The following FBXL13 variants were observed in gnomAD, a reference collection of about 807,000 sequenced individuals.
The protein encoded by FBXL13 is F-box and leucine rich repeat protein 13, also known as F-box and leucine-rich repeat protein 13.
FBXL13 carries 67 observed loss-of-function variants against 83.6 expected under a neutral mutation model. The observed-to-expected ratio is 0.80, with a 90% CI of 0.66 to 0.98. FBXL13 has a LOEUF of 0.98. FBXL13 is among the 50% of genes least tolerant of loss of function. FBXL13 has a pLI of 0.00. For missense variants in FBXL13, 822 were observed against 866.5 expected (o/e 0.95, Z 0.64); for synonymous variants, 272 against 299.5 (o/e 0.91, Z 0.95).
rs1361795938 is a variant in FBXL13 at position 102,973,414 on chromosome 7, A to T, written c.496-5297T>A. 7 of 701,518 alleles carry T rather than the reference A, an allele frequency of 1.0e-5. No individual in the cohort carries two copies. The East Asian group carries it at 1.9e-4, about 19-fold the overall frequency. 43.5% of individuals were successfully genotyped at this position (701,518 alleles called of 1,614,324 possible). A position where few individuals can be genotyped will look rare whatever the true frequency, so the allele number is the denominator to read the frequency against. On this transcript the variant is annotated intron_variant, in intron 6 of 19. Transcript: ENST00000313221. ...TCGAGAAACAGGCCATCTGGGTACC[A>T]CATAGCAGTTACATCAGACTGGGAC...
chr7:103,013,234 G>C (rs1431669445), intron 6 of FBXL13, among the ~76,000 whole-genome samples: 3 of 152,156 alleles, frequency 2.0e-5, no homozygotes, highest in Non-Finnish European at 2.9e-5. Flanking sequence ...CATCGAGGCA[G>C]AAAACTAACG....
At chr7:102,878,521 G>C in intron 14 of FBXL13, 71 bp from the exon 16 acceptor site, 1 of 1,017,388 alleles carries the variant, frequency 9.8e-7, no homozygotes, top group South Asian at 2.4e-5. Context: ...TAAAGTAATA[G>C]CTACCATACC....
intron 6 of FBXL13, among the ~76,000 whole-genome samples, chr7:102,970,934 TAA>T (rs1826568477): frequency 6.6e-6 from 1 of 152,126 alleles, no homozygotes; most frequent in Non-Finnish European, 1.5e-5. Context: ...TAAAGGATGC[TAA>T]GAGACACATT....
At chr7:102,889,113 A>C (rs1811181837) in intron 11 of FBXL13, among the ~76,000 whole-genome samples, 1 of 152,220 alleles carries the variant, frequency 6.6e-6, no homozygotes, top group African/African-American at 2.4e-5. Flanking sequence ...AAGAATCAAG[A>C]AGCAGGAGTA....
chr7:102,919,888 G>A (rs1345679915), intron 10 of FBXL13, among the ~76,000 whole-genome samples: 1 of 152,020 alleles, frequency 6.6e-6, no homozygotes, highest in Non-Finnish European at 1.5e-5. Context: ...AGTAAGCTGT[G>A]AGAAAAAAAG....
intron 10 of FBXL13, among the ~76,000 whole-genome samples, chr7:102,923,734 G>C (rs930069139): frequency 6.6e-6 from 1 of 152,062 alleles, no homozygotes; most frequent in Non-Finnish European, 1.5e-5. Context: ...TGAGGCAGGA[G>C]AATTGCTTTG....
intron 6 of FBXL13, among the ~76,000 whole-genome samples, chr7:103,022,040 T>C (rs1487392175): frequency 1.3e-5 from 2 of 152,204 alleles, no homozygotes; most frequent in Non-Finnish European, 2.9e-5. Context: ...CGTATGTTTA[T>C]TGCGGCACTA....
chr7:102,975,318 T>C (rs1217406993), intron 6 of FBXL13, among the ~76,000 whole-genome samples: 3 of 152,244 alleles, frequency 2.0e-5, no homozygotes, highest in Non-Finnish European at 1.5e-5. Flanking sequence ...CCCAGTCTTA[T>C]GAACTAACTT....
At chr7:103,005,677 G>C (rs1790916174) in intron 6 of FBXL13, among the ~76,000 whole-genome samples, 1 of 152,076 alleles carries the variant, frequency 6.6e-6, no homozygotes, top group Admixed American at 6.5e-5. Context: ...CTTCTTAAAA[G>C]GGCGCCAGTT....
At chr7:102,831,431 A>ACCCCCC (rs56834945) in intron 18 of FBXL13, among the ~76,000 whole-genome samples, 8 of 147,126 alleles carry the variant, frequency 5.4e-5, no homozygotes, top group African/African-American at 1.7e-4. Flanking sequence ...ACACACACAC[A>ACCCCCC]CCCCACTACA....
rs750143787 is a variant in FBXL13 at position 102,976,042 on chromosome 7, G to A, written c.496-7925C>T. 34 of 766,304 alleles carry A rather than the reference G, an allele frequency of 4.4e-5. No individual in the cohort carries two copies. In the Admixed American group the frequency reaches 4.9e-4, roughly 11 times the overall value. 47.5% of individuals were successfully genotyped at this position (766,304 alleles called of 1,614,324 possible). ...CCCACGAGGCCATGCCCCCTCTGCG[G>A]AGGACCCCACTGGAAGTTGGACTGT... On this transcript the variant is annotated intron_variant, in intron 6 of 19. Coordinates refer to ENST00000313221, the Ensembl canonical transcript of FBXL13.
chr7:102,824,634 C>T (rs969522494), intron 18 of FBXL13, among the ~76,000 whole-genome samples: 4 of 151,952 alleles, frequency 2.6e-5, no homozygotes, highest in East Asian at 1.9e-4. Flanking sequence ...TACAGGTGCC[C>T]GCCACCACGC....
rs1334156423 is a variant in FBXL13, at chr7:102,902,601, G to T, written c.1008+10485C>A. Among the ~76,000 whole-genome samples, 4 of 152,242 alleles carry T rather than the reference G, an allele frequency of 2.6e-5. No individual in the cohort carries two copies. In the South Asian group the frequency reaches 6.2e-4, roughly 24 times the overall value. ...TTAAATATTTAATCCATTTTGATTT[G>T]ATTTTTGCATACATTATGTATATAG... is the stretch of plus-strand genomic sequence containing the variant. On this transcript the variant is annotated intron_variant, in intron 11 of 19. Transcript: ENST00000313221.
At chr7:102,862,468 G>T (rs991456597) in intron 16 of FBXL13, among the ~76,000 whole-genome samples, 1 of 152,066 alleles carries the variant, frequency 6.6e-6, no homozygotes, top group Non-Finnish European at 1.5e-5. Context: ...AACCCAATAT[G>T]TGTCTGTTAT....
intron 11 of FBXL13, among the ~76,000 whole-genome samples, chr7:102,907,532 T>C (rs847646): frequency 0.26 from 38,759 of 150,236 alleles, 6,102 homozygotes; most frequent in East Asian, 0.58. Flanking sequence ...CAAGTGTTCT[T>C]ACTGTTCAAC....
chr7:103,072,649 G>A (rs1276132307), intron 1 of FBXL13, among the ~76,000 whole-genome samples: 1 of 152,170 alleles, frequency 6.6e-6, no homozygotes, highest in Non-Finnish European at 1.5e-5. Context: ...CCATCACTCA[G>A]AATGGCTGCA....
chr7:102,878,268 C>T (rs994498720), intron 15 of FBXL13, 63 bp downstream of exon 16: 54 of 1,412,552 alleles, frequency 3.8e-5, no homozygotes, highest in Non-Finnish European at 4.8e-5. Context: ...TTAGGTGTCT[C>T]ATGTCTCCTA....
At chr7:102,860,044 T>C (rs545942019) in intron 16 of FBXL13, among the ~76,000 whole-genome samples, 1 of 152,212 alleles carries the variant, frequency 6.6e-6, no homozygotes, top group African/African-American at 2.4e-5. Context: ...ATAGCTCCAG[T>C]ATCACGTTCA....
chr7:102,822,669 C>T (rs1261853617), intron 18 of FBXL13, among the ~76,000 whole-genome samples: 6 of 152,216 alleles, frequency 3.9e-5, no homozygotes, highest in African/African-American at 1.4e-4. Context: ...CTTGCATATT[C>T]TCTTTCACCC....
Sources: allele counts gnomAD v4.1 joint callset (sites outside exome capture counted in the v4.1 genomes callset), GRCh38; gene constraint gnomAD v4.1.1; transcripts MANE v1.5; gene names NCBI Gene and HGNC (gene_info 2026-07-23, HGNC 2026-07-21).